Variants in RYR2 observed in about 807,000 individuals in gnomAD.
The protein encoded by RYR2 is ryanodine receptor 2, also known as cardiac muscle ryanodine receptor-calcium release channel.
A neutral mutation model predicts 601.1 loss-of-function variants in RYR2; 227 were observed. The observed-to-expected ratio is 0.38, with a 90% confidence interval of 0.34 to 0.42. RYR2 has a LOEUF of 0.42. Ranked by LOEUF, RYR2 falls within the 10% of genes least tolerant of loss-of-function variation. The pLI, the probability that RYR2 is intolerant of heterozygous loss-of-function variation, is 1.00. For missense variants in RYR2, 4,646 were observed against 6,156.5 expected, an observed-to-expected ratio of 0.75 and a Z score of 8.21; for synonymous variants, 2,223 against 2,175.1, an observed-to-expected ratio of 1.02 and a Z score of -0.61.
chr1:237,160,612 T>G (rs1439851916), intron 1 of RYR2, among the ~76,000 whole-genome samples: 4 of 152,094 alleles, frequency 2.6e-5, no homozygotes, highest in Non-Finnish European at 5.9e-5. Context: ...TGAGTGTATA[T>G]TCATCCTGCT....
intron 87 of RYR2, among the ~76,000 whole-genome samples, chr1:237,776,608 A>G (rs1195586767): frequency 6.6e-6 from 1 of 151,936 alleles, no homozygotes; most frequent in African/African-American, 2.4e-5. Context: ...AGTCCAATCT[A>G]GGCTTTTTTT....
chr1:237,704,212 G>A (rs1220058345), intron 66 of RYR2, among the ~76,000 whole-genome samples: 1 of 152,112 alleles, frequency 6.6e-6, no homozygotes, highest in African/African-American at 2.4e-5. Flanking sequence ...GAGAAAAGAA[G>A]TGTGGAAAGC....
At chr1:237,542,676 T>C (rs532907043) in intron 25 of RYR2, among the ~76,000 whole-genome samples, 13 of 152,262 alleles carry the variant, frequency 8.5e-5, no homozygotes, top group African/African-American at 2.9e-4. Flanking sequence ...CGGGCCTCTT[T>C]AGGAGTGCTG....
In RYR2 at chr1:237,833,238, T is replaced by C. The variant is rs1292832264; in HGVS notation, c.*591T>C. The C allele has an allele frequency of 6.7e-6, 1 of 150,122 alleles. No individual in the cohort carries two copies. Among genetic ancestry groups the C allele is most frequent in the Admixed American group, 6.6e-5 (1 of 15,074 alleles). The allele number at this position is 150,122 out of a possible 1,614,324, so 9.3% of individuals were successfully genotyped here. On this transcript the variant is annotated 3_prime_UTR_variant, in exon 105 of 105. Transcript: ENST00000366574. ...GTTTTTTTTTTTTCCTTTAGTCTTT[T>C]CTTTAGTGGGGGAGGGTAAGAAAAG...
At chr1:237,237,965 TC>T (rs1374739665) in intron 1 of RYR2, among the ~76,000 whole-genome samples, 1 of 99,050 alleles carries the variant, frequency 1.0e-5, no homozygotes, top group African/African-American at 3.1e-5. Flanking sequence ...TCCTTTCCTT[TC>T]CTTTCCTTTC....
intron 1 of RYR2, among the ~76,000 whole-genome samples, chr1:237,072,947 C>CAAAAAAAAAAAAAAA (rs34070186): frequency 9.6e-6 from 1 of 104,204 alleles, no homozygotes. Context: ...GACTCCATCT[C>CAAAAAAAAAAAAAAA]AAAAAAAAAA....
chr1:237,449,650 G>C (rs1200226564), intron 14 of RYR2, among the ~76,000 whole-genome samples: 1 of 151,434 alleles, frequency 6.6e-6, no homozygotes, highest in Non-Finnish European at 1.5e-5. Context: ...TTCTTATCAT[G>C]CAAGTCTGCT....
chr1:237,558,997 CTT>C (rs56718406), intron 27 of RYR2, among the ~76,000 whole-genome samples: 3 of 141,056 alleles, frequency 2.1e-5, no homozygotes, highest in Non-Finnish European at 3.1e-5. Flanking sequence ...CATTTTTGTA[CTT>C]TTTTTTTTTT....
intron 24 of RYR2, among the ~76,000 whole-genome samples, chr1:237,524,872 A>C (rs1250250904): frequency 6.6e-6 from 1 of 152,154 alleles, no homozygotes; most frequent in African/African-American, 2.4e-5. Flanking sequence ...CAGTCACATT[A>C]TGGAAGGTAG....
At chr1:237,301,198 A>G (rs1693315868) in intron 2 of RYR2, among the ~76,000 whole-genome samples, 1 of 152,172 alleles carries the variant, frequency 6.6e-6, no homozygotes, top group South Asian at 2.1e-4. Flanking sequence ...AATTCTACTT[A>G]GAGACTGAAA....
chr1:237,343,153 A>C (rs1373237063), intron 3 of RYR2, among the ~76,000 whole-genome samples: 1 of 151,962 alleles, frequency 6.6e-6, no homozygotes, highest in Non-Finnish European at 1.5e-5. Context: ...AGCTTGGGAG[A>C]TCGAGGCTGC....
chr1:237,398,615 G>A (rs977044263), intron 10 of RYR2, among the ~76,000 whole-genome samples: 4 of 152,178 alleles, frequency 2.6e-5, no homozygotes, highest in East Asian at 1.9e-4. Flanking sequence ...ACGTGCTGGT[G>A]AGAATGCAGA....
At chr1:237,707,330 AATAC>A in intron 68 of RYR2, 61 bp downstream of exon 68, 2 of 884,634 alleles carry the variant, frequency 2.3e-6, no homozygotes, top group Non-Finnish European at 3.2e-6. Flanking sequence ...AAGAATTTTA[AATAC>A]ATAAACTAGA....
At chr1:237,415,149 T>A (rs1704841209) in intron 10 of RYR2, among the ~76,000 whole-genome samples, 3 of 152,160 alleles carry the variant, frequency 2.0e-5, no homozygotes, top group African/African-American at 7.2e-5. Flanking sequence ...GTGGAGTAAC[T>A]TACTTAGACT....
intron 3 of RYR2, among the ~76,000 whole-genome samples, chr1:237,354,340 A>AGTGT (rs143781995): frequency 9.4e-5 from 14 of 149,392 alleles, no homozygotes; most frequent in Admixed American, 4.0e-4. Flanking sequence ...CACTGATGGG[A>AGTGT]GTGTGTGTGT....
chr1:237,219,472 C>G (rs1211428863), intron 1 of RYR2, among the ~76,000 whole-genome samples: 1 of 152,178 alleles, frequency 6.6e-6, no homozygotes, highest in Non-Finnish European at 1.5e-5. Flanking sequence ...CCAGAACCCT[C>G]TTGCCCCCGG....
At chr1:237,493,685 C>T (rs1663691494) in intron 19 of RYR2, among the ~76,000 whole-genome samples, 1 of 152,216 alleles carries the variant, frequency 6.6e-6, no homozygotes, top group South Asian at 2.1e-4. Context: ...AACTCCTGAC[C>T]TCGTGATCTG....
rs1209371276 is a variant in RYR2 at position 237,350,763 on chromosome 1, T to TA, written c.274-5201dup. 4.6e-5 allele frequency among the ~76,000 whole-genome samples: 7 copies of TA among 151,358 alleles called. No homozygotes were observed. In the South Asian group the frequency reaches 1.3e-3, roughly 27 times the overall value. Reference sequence around the variant, plus strand: ...TTCTGAATTTACATGAATCTAATGATATAGCTTTCAAGCTTATAAAAACAA... The same window carrying TA: ...TTCTGAATTTACATGAATCTAATGATAATAGCTTTCAAGCTTATAAAAACAA... On this transcript the variant is annotated intron_variant, in intron 3 of 104. Transcript: ENST00000366574.
intron 88 of RYR2, 71 bp from the exon 89 acceptor site, chr1:237,781,494 T>G: frequency 8.1e-5 from 62 of 764,746 alleles, no homozygotes; most frequent in Non-Finnish European, 1.3e-4. Context: ...ATCCTTTTTG[T>G]GAGAATAAGT....
Sources: allele counts gnomAD v4.1 joint callset (sites outside exome capture counted in the v4.1 genomes callset), GRCh38; gene constraint gnomAD v4.1.1; transcripts MANE v1.5; gene names NCBI Gene and HGNC (gene_info 2026-07-23, HGNC 2026-07-21).